PARD3B: variants seen among roughly 807,000 people sequenced by gnomAD.
PARD3B encodes the protein par-3 family cell polarity regulator beta, also known as partitioning defective 3 homolog B.
In PARD3B, 103 loss-of-function variants were observed where a neutral mutation model predicts 130.2. That is an observed-to-expected ratio of 0.79 (90% CI 0.67 to 0.93). The LOEUF is 0.93. PARD3B is among the 40% of genes least tolerant of loss of function. The pLI, the probability that PARD3B is intolerant of heterozygous loss-of-function variation, is 0.00. For missense variants in PARD3B, 1,609 were observed against 1,499.2 expected (o/e 1.07, Z -1.21); for synonymous variants, 583 against 553.2 (o/e 1.05, Z -0.76).
chr2:205,119,356 G>A (rs1434000024), intron 7 of PARD3B, among the ~76,000 whole-genome samples: 2 of 151,956 alleles, frequency 1.3e-5, no homozygotes, highest in East Asian at 1.9e-4. Flanking sequence ...GGTATTTAAC[G>A]GCTCTTTTCA....
At chr2:205,240,492 T>A (rs2039303828) in intron 15 of PARD3B, among the ~76,000 whole-genome samples, 1 of 152,224 alleles carries the variant, frequency 6.6e-6, no homozygotes, top group South Asian at 2.1e-4. Flanking sequence ...GCATCATATT[T>A]TAGAGTGGTA....
chr2:205,321,411 T>G lies in PARD3B; in HGVS notation c.2630+19710T>G, dbSNP rs1559658664. Among the ~76,000 whole-genome samples the G allele has an allele frequency of 6.6e-6, 1 of 152,068 alleles. No individual in the cohort carries two copies. The highest frequency in any genetic ancestry group is 1.5e-5 in the Non-Finnish European group (1 of 67,988). On this transcript the variant is annotated intron_variant, in intron 18 of 22. Coordinates refer to ENST00000406610, the MANE Select transcript of PARD3B (RefSeq NM_001302769.2). This position sits in a 1 kb window ranked among gnomAD's most constrained non-coding sequence, Gnocchi z 4.2. ...ATACCTTCCGCCCAGATTCCTCAGA[T>G]AGTAACATTTTTTCTGAATTAGCTG...
At chr2:204,629,878 G>A (rs1190718100) in intron 1 of PARD3B, among the ~76,000 whole-genome samples, 1 of 152,010 alleles carries the variant, frequency 6.6e-6, no homozygotes, top group Admixed American at 6.6e-5. Context: ...AAATACTATA[G>A]ACTTTTTTCT....
At chr2:204,929,851 A>T (rs1366123345) in intron 2 of PARD3B, among the ~76,000 whole-genome samples, 1 of 152,060 alleles carries the variant, frequency 6.6e-6, no homozygotes, top group Non-Finnish European at 1.5e-5. Flanking sequence ...GTCTTCCTGA[A>T]TCCAACTGTA....
At chr2:204,820,848 C>T (rs2043325374) in intron 2 of PARD3B, among the ~76,000 whole-genome samples, 1 of 142,268 alleles carries the variant, frequency 7.0e-6, no homozygotes, top group Non-Finnish European at 1.6e-5. Flanking sequence ...CAAAAAGCCA[C>T]TGCTCATTTA....
At chr2:205,331,963 G>C (rs1408621575) in intron 18 of PARD3B, among the ~76,000 whole-genome samples, 1 of 151,806 alleles carries the variant, frequency 6.6e-6, no homozygotes. Context: ...AAATTAGCCT[G>C]GTGTGGTGGT....
intron 13 of PARD3B, among the ~76,000 whole-genome samples, chr2:205,184,491 C>A (rs1455878986): frequency 6.6e-6 from 1 of 152,056 alleles, no homozygotes; most frequent in Admixed American, 6.6e-5. Flanking sequence ...GCCTGTAATC[C>A]CAGCACTTTG....
At chr2:204,866,887 G>A (rs1200611282) in intron 2 of PARD3B, among the ~76,000 whole-genome samples, 2 of 151,910 alleles carry the variant, frequency 1.3e-5, no homozygotes, top group African/African-American at 4.8e-5. Flanking sequence ...TGGCCAACAT[G>A]GTGAAACCCC....
In PARD3B at chr2:205,586,427, A is replaced by G. The variant is rs999511467; in HGVS notation, c.3261-29029A>G. On this transcript the variant is annotated intron_variant, in intron 22 of 22. Coordinates refer to ENST00000406610, the MANE Select transcript of PARD3B (RefSeq NM_001302769.2). ...TTCCATTATGATTTTCTCTCTTGTC[A>G]CCTAGTATCCAGAAAGGGTTCTGTT... Among the ~76,000 whole-genome samples, 5 of 152,250 alleles carry G rather than the reference A, an allele frequency of 3.3e-5. No homozygotes were observed. The South Asian group carries it at 1.0e-3, about 32-fold the overall frequency.
chr2:205,208,732 A>G (rs1294834720), intron 15 of PARD3B, among the ~76,000 whole-genome samples: 2 of 145,160 alleles, frequency 1.4e-5, no homozygotes, highest in African/African-American at 5.4e-5. Context: ...ATACAAACAA[A>G]TGGAAGAACA....
chr2:205,309,865 C>T lies in PARD3B; in HGVS notation c.2630+8164C>T, dbSNP rs1408674157. 6.6e-6 allele frequency among the ~76,000 whole-genome samples: 1 copy of T among 151,690 alleles called. No homozygotes were observed. The highest frequency in any genetic ancestry group is 1.5e-5 in the Non-Finnish European group (1 of 67,978). ...GGTAAGCAAAGCTGTCAGTGTAGTGCCTAACTTGATAGACATTACTTCTTA... is the reference window on the plus strand; with the variant it reads ...GGTAAGCAAAGCTGTCAGTGTAGTGTCTAACTTGATAGACATTACTTCTTA... On this transcript the variant is annotated intron_variant, in intron 18 of 22. Coordinates refer to ENST00000406610, the MANE Select transcript of PARD3B (RefSeq NM_001302769.2). The surrounding 1 kb of genome is among the most constrained non-coding windows in gnomAD (Gnocchi z 4.7).
chr2:204,755,322 A>T (rs2040621113), intron 2 of PARD3B, among the ~76,000 whole-genome samples: 1 of 152,118 alleles, frequency 6.6e-6, no homozygotes, highest in African/African-American at 2.4e-5. Flanking sequence ...AAACTGTAAA[A>T]ATAAGCTACC....
At chr2:205,420,775 C>T (rs2046940604) in intron 19 of PARD3B, among the ~76,000 whole-genome samples, 1 of 152,134 alleles carries the variant, frequency 6.6e-6, no homozygotes, top group South Asian at 2.1e-4. Flanking sequence ...GTATTATTTG[C>T]AAGCAGGTCA....
intron 2 of PARD3B, among the ~76,000 whole-genome samples, chr2:204,846,528 GTTAA>G (rs913541751): frequency 3.3e-5 from 5 of 151,654 alleles, no homozygotes; most frequent in African/African-American, 1.2e-4. Flanking sequence ...AGTGTAAGGA[GTTAA>G]TTAAAGTAAA....
Position 205,301,671 on chromosome 2 carries a change from TAAA to T in PARD3B, c.2601_2603del (p.Ile867_Lys868delinsMet), listed in dbSNP as rs764063007. On this transcript the variant is annotated inframe_deletion, in exon 18 of 23. Coordinates refer to ENST00000406610, the MANE Select transcript of PARD3B (RefSeq NM_001302769.2). The surrounding 1 kb of genome is among the most constrained non-coding windows in gnomAD (Gnocchi z 5.2). Reference sequence around the variant, plus strand: ...GAGAATGAAGATCCAGAAAGGAAAATAAAGAAGAAGGGCTTCGGCGCCATGCTG... The same window carrying T: ...GAGAATGAAGATCCAGAAAGGAAAATGAAGAAGGGCTTCGGCGCCATGCTG... 27 of 1,613,666 alleles carry T rather than the reference TAAA, an allele frequency of 1.7e-5. No individual in the cohort carries two copies. The highest frequency in any genetic ancestry group is 2.2e-5 in the East Asian group (1 of 44,834).
chr2:205,147,588 C>G (rs2033455277), intron 10 of PARD3B, among the ~76,000 whole-genome samples: 1 of 151,944 alleles, frequency 6.6e-6, no homozygotes, highest in Admixed American at 6.6e-5. Flanking sequence ...CTCCCTCTAC[C>G]CCCTTTCATG....
At chr2:204,966,689 T>A (rs752046651) in intron 3 of PARD3B, among the ~76,000 whole-genome samples, 1 of 152,200 alleles carries the variant, frequency 6.6e-6, no homozygotes, top group East Asian at 1.9e-4. Flanking sequence ...GATTGTTTTC[T>A]TCAGCTTTTT....
At chr2:204,846,934 T>C (rs772423153) in intron 2 of PARD3B, among the ~76,000 whole-genome samples, 18 of 152,028 alleles carry the variant, frequency 1.2e-4, no homozygotes, top group Non-Finnish European at 2.6e-4. Flanking sequence ...ATTAGAGTCG[T>C]AGACATTGGG....
intron 1 of PARD3B, among the ~76,000 whole-genome samples, chr2:204,654,234 G>A (rs1290627344): frequency 6.6e-6 from 1 of 151,220 alleles, no homozygotes; most frequent in African/African-American, 2.5e-5. Context: ...ATATAAGGAA[G>A]GCAAGATGAT....
Sources: allele counts gnomAD v4.1 joint callset (sites outside exome capture counted in the v4.1 genomes callset), GRCh38; gene constraint gnomAD v4.1.1; non-coding constraint Gnocchi (gnomAD v3.1); transcripts MANE v1.5; gene names NCBI Gene and HGNC (gene_info 2026-07-23, HGNC 2026-07-21).